Variants in SCUBE3 observed in about 807,000 individuals in gnomAD.
SCUBE3 encodes signal peptide, CUB and EGF-like domain-containing protein 3.
Under a neutral mutation model 116.8 loss-of-function variants are expected in SCUBE3, and 33 were observed. The ratio of observed to expected loss-of-function variants is 0.28; its 90% CI spans 0.21 to 0.38. The LOEUF (loss-of-function observed/expected upper bound fraction) is 0.38, where lower values mean the gene tolerates loss of function less well. Ranked by LOEUF, SCUBE3 falls within the 10% of genes least tolerant of loss-of-function variation. The pLI, the probability that SCUBE3 is intolerant of heterozygous loss-of-function variation, is 1.00. For synonymous variants in SCUBE3, 418 were observed against 496.9 expected (o/e 0.84, Z 2.11); for missense variants, 1,007 against 1,324.8 (o/e 0.76, Z 3.72).
Position 35,231,183 on chromosome 6 carries a change from C to CG in SCUBE3, c.335-542_335-541insG, listed in dbSNP as rs1343377957. 6.6e-6 allele frequency among the ~76,000 whole-genome samples: 1 copy of CG among 152,126 alleles called. No individual in the cohort carries two copies. Among genetic ancestry groups the CG allele is most frequent in the Non-Finnish European group, 1.5e-5 (1 of 68,004 alleles). On this transcript the variant is annotated intron_variant, in intron 3 of 21. Transcript: ENST00000274938. This position sits in a 1 kb window ranked among gnomAD's most constrained non-coding sequence, Gnocchi z 4.2. ...GAGGAAGGACAGGGCTGTGGCCTGT[C>CG]CACAGAAATGGTCCCTGCTCCACAA...
At chr6:35,225,640 G>C (rs927136903) in intron 1 of SCUBE3, among the ~76,000 whole-genome samples, 3 of 152,136 alleles carry the variant, frequency 2.0e-5, no homozygotes, top group African/African-American at 7.2e-5. Context: ...AGAGCTGAAC[G>C]GAAACCTGTG....
intron 6 of SCUBE3, among the ~76,000 whole-genome samples, chr6:35,236,273 G>A: frequency 6.6e-6 from 1 of 152,158 alleles, no homozygotes; most frequent in East Asian, 1.9e-4. Flanking sequence ...TCTCAAGAAT[G>A]CCGTCCTGCA....
intron 1 of SCUBE3, chr6:35,221,868 G>T (rs1270915993): frequency 6.6e-6 from 1 of 152,260 alleles, no homozygotes; most frequent in African/African-American, 2.4e-5. Flanking sequence ...TAGGAGTCAA[G>T]AGAAAGAGTA....
chr6:35,242,469 T>A, intron 13 of SCUBE3, 149 bp downstream of exon 13: 1 of 891,582 alleles, frequency 1.1e-6, no homozygotes, highest in South Asian at 1.6e-5. Context: ...CCCAAGGAAG[T>A]CCCAGAATAT....
At chr6:35,220,424 A>G (rs897604552) in intron 1 of SCUBE3, 2 of 152,178 alleles carry the variant, frequency 1.3e-5, no homozygotes, top group Non-Finnish European at 2.9e-5. Context: ...ATTACTAATC[A>G]CAAAACCAGA....
In SCUBE3 at chr6:35,239,954, C is replaced by G. The variant is rs1469203132; in HGVS notation, c.952+80C>G. The G allele has an allele frequency of 7.9e-7, 1 of 1,258,222 alleles. No homozygotes were observed. Among genetic ancestry groups the G allele is most frequent in the Non-Finnish European group, 1.1e-6 (1 of 922,788 alleles). The allele number at this position is 1,258,222 out of a possible 1,614,324, so 77.9% of individuals were successfully genotyped here. A position where few individuals can be genotyped will look rare whatever the true frequency, so the allele number is the denominator to read the frequency against. ...TTCAAGGAGGCCAGAGGGCTAAAGTCTTAGAAACTCAATAGATATCACACA... is the reference window on the plus strand; with the variant it reads ...TTCAAGGAGGCCAGAGGGCTAAAGTGTTAGAAACTCAATAGATATCACACA... On this transcript the variant is annotated intron_variant, in intron 8 of 21. Transcript: ENST00000274938. This position sits in a 1 kb window ranked among gnomAD's most constrained non-coding sequence, Gnocchi z 4.1.
In SCUBE3 at chr6:35,243,744, C is replaced by A. The variant is rs775234902; in HGVS notation, c.2060C>A (p.Thr687Asn). The A allele has an allele frequency of 6.2e-7, 1 of 1,613,910 alleles. No homozygotes were observed. The highest frequency in any genetic ancestry group is 8.5e-7 in the Non-Finnish European group (1 of 1,179,908). Residue 687 changes from threonine to asparagine, a missense_variant, in exon 16 of 22, where the codon ACC (threonine) becomes AAC (asparagine). Around this residue, in one of 5 missense-constraint regions of SCUBE3, gnomAD observed 544 missense variants for 638.9 expected, o/e 0.85. Transcript: ENST00000274938. This position sits in a 1 kb window ranked among gnomAD's most constrained non-coding sequence, Gnocchi z 6.6. The stretch of plus-strand genomic sequence containing the variant: ...GGGCCTCTTGGAGCCACCAACGTCA[C>A]CACGTGTGCAGGTGCCAGGGGAACA... ...AHGPLGATNVTTCAGQCPPGQ... is the reference protein window; with the variant it reads ...AHGPLGATNVNTCAGQCPPGQ...
At position 35,214,224 on chromosome 6, in the gene SCUBE3, G is replaced by C. The variant is rs1391717768; in HGVS notation, c.-195G>C. On this transcript the variant is annotated 5_prime_UTR_variant, in exon 1 of 22. Coordinates refer to ENST00000274938, the MANE Select transcript of SCUBE3 (RefSeq NM_152753.4). This position sits in a 1 kb window ranked among gnomAD's most constrained non-coding sequence, Gnocchi z 6.3. ...TCCGCCTCGCTCTCCCCGACGTCCG[G>C]CCAGGAGGAGCCGGTAGCATCGGGA... Among the ~76,000 whole-genome samples, 1 of 152,124 alleles carries C rather than the reference G, an allele frequency of 6.6e-6. No individual in the cohort carries two copies. Among genetic ancestry groups the C allele is most frequent in the Non-Finnish European group, 1.5e-5 (1 of 67,996 alleles).
At chr6:35,216,102 G>A (rs1782880900) in intron 1 of SCUBE3, among the ~76,000 whole-genome samples, 1 of 152,352 alleles carries the variant, frequency 6.6e-6, no homozygotes, top group African/African-American at 2.4e-5. Flanking sequence ...TAGTGGCCTA[G>A]TGAGGCTGTG....
chr6:35,233,276 C>T lies in SCUBE3; in HGVS notation c.687C>T (p.Leu229=), dbSNP rs1783623765. Reference sequence around the variant, plus strand: ...GCGGCTGCCATATCAAGTTTGTGCTCCATACCGACGGGAAGACATGCATCG... The same window carrying T: ...GCGGCTGCCATATCAAGTTTGTGCTTCATACCGACGGGAAGACATGCATCG... The part of the protein sequence containing the change: ...PRCGCHIKFV[L]HTDGKTCIET... The change falls in exon 6 of 22, where the codon CTC becomes CTT. Residue 229 remains leucine, a synonymous_variant. Coordinates refer to ENST00000274938, the MANE Select transcript of SCUBE3 (RefSeq NM_152753.4). This position sits in a 1 kb window ranked among gnomAD's most constrained non-coding sequence, Gnocchi z 5.7. 2 of 1,611,990 alleles carry T rather than the reference C, an allele frequency of 1.2e-6. 1 individual carries two copies. Among genetic ancestry groups the T allele is most frequent in the South Asian group, 2.2e-5 (2 of 91,016 alleles).
chr6:35,243,090 G>A lies in SCUBE3; in HGVS notation c.1763G>A (p.Arg588Lys). The change falls in exon 15 of 22, where the codon AGA (arginine) becomes AAA (lysine). Residue 588 changes from arginine to lysine, a missense_variant. Physicochemically the swap from Arg to Lys is conservative, Grantham distance 26. This residue lies in a region of SCUBE3 where 544 missense variants were observed against 638.9 expected (regional missense o/e 0.85). Coordinates refer to ENST00000274938, the MANE Select transcript of SCUBE3 (RefSeq NM_152753.4). This position sits in a 1 kb window ranked among gnomAD's most constrained non-coding sequence, Gnocchi z 6.6. ...CTGAAAGGATCCCTGAAGATGCTCA[G>A]AAAGTCCATCAACCAGGACCGCTTC... Reference protein sequence around the residue: ...RRLKGSLKMLRKSINQDRFLL... With the variant: ...RRLKGSLKMLKKSINQDRFLL... 7 of 1,614,226 alleles carry A rather than the reference G, an allele frequency of 4.3e-6. No homozygotes were observed. The highest frequency in any genetic ancestry group is 5.9e-6 in the Non-Finnish European group (7 of 1,180,048).
intron 1 of SCUBE3, chr6:35,223,446 C>G (rs1783189001): frequency 6.6e-6 from 1 of 152,174 alleles, no homozygotes; most frequent in Non-Finnish European, 1.5e-5. Context: ...CTTAACTACT[C>G]TGTCATGTGG....
chr6:35,217,530 T>C (rs1021333987), intron 1 of SCUBE3, among the ~76,000 whole-genome samples: 1 of 150,582 alleles, frequency 6.6e-6, no homozygotes, highest in Non-Finnish European at 1.5e-5. Flanking sequence ...TGTCTCGGTG[T>C]GTCTCTCCGG....
intron 1 of SCUBE3, among the ~76,000 whole-genome samples, chr6:35,217,363 G>A (rs2150280778): frequency 1.3e-5 from 2 of 151,158 alleles, no homozygotes; most frequent in Middle Eastern, 6.8e-3. Flanking sequence ...TTGTCCCCAG[G>A]GCTGGCTCCA....
At chr6:35,242,506 T>A (rs1784118345) in intron 13 of SCUBE3, 116 bp from the exon 14 acceptor site, 1 of 1,072,240 alleles carries the variant, frequency 9.3e-7, no homozygotes, top group South Asian at 1.5e-5. Context: ...ATTAGGACCC[T>A]AGACTAAAAC....
chr6:35,243,966 A>G lies in SCUBE3; in HGVS notation c.2075A>G (p.Gln692Arg), dbSNP rs1284585260. 1 of 1,613,574 alleles carries G rather than the reference A, an allele frequency of 6.2e-7. No homozygotes were observed. Among genetic ancestry groups the G allele is most frequent in the Non-Finnish European group, 8.5e-7 (1 of 1,179,674 alleles). The change falls in exon 17 of 22, where the codon CAG becomes CGG. Residue 692 changes from glutamine to arginine, a missense_variant. Around this residue, in one of 5 missense-constraint regions of SCUBE3, gnomAD observed 544 missense variants for 638.9 expected, o/e 0.85. Transcript: ENST00000274938. This position sits in a 1 kb window ranked among gnomAD's most constrained non-coding sequence, Gnocchi z 6.6. ...GATNVTTCAG[Q>R]CPPGQHSVDG... ...TTGGGCCCTTGATTCATTGCAGGTC[A>G]GTGCCCACCTGGCCAACACTCTGTA...
chr6:35,243,736 C>T lies in SCUBE3; in HGVS notation c.2052C>T (p.Thr684=), dbSNP rs1419660365. 1.9e-6 allele frequency: 3 copies of T among 1,613,872 alleles called. No individual in the cohort carries two copies. The highest frequency in any genetic ancestry group is 2.2e-5 in the East Asian group (1 of 44,818). The change falls in exon 16 of 22, where the codon ACC becomes ACT. Residue 684 remains threonine, a synonymous_variant. Coordinates refer to ENST00000274938, the MANE Select transcript of SCUBE3 (RefSeq NM_152753.4). The surrounding 1 kb of genome is among the most constrained non-coding windows in gnomAD (Gnocchi z 6.6). ...ATGCCCACGGGCCTCTTGGAGCCAC[C>T]AACGTCACCACGTGTGCAGGTGCCA... is the stretch of plus-strand genomic sequence containing the variant. The part of the protein sequence containing the change: ...GSDAHGPLGA[T]NVTTCAGQCP...
chr6:35,214,371 C>T lies in SCUBE3; in HGVS notation c.-48C>T, dbSNP rs777083545. The T allele has an allele frequency of 7.7e-7, 1 of 1,305,680 alleles. No individual in the cohort carries two copies. Among genetic ancestry groups the T allele is most frequent in the South Asian group, 1.6e-5 (1 of 61,546 alleles). 80.9% of individuals were successfully genotyped at this position (1,305,680 alleles called of 1,614,324 possible). On this transcript the variant is annotated 5_prime_UTR_variant, in exon 1 of 22. Transcript: ENST00000274938. This position sits in a 1 kb window ranked among gnomAD's most constrained non-coding sequence, Gnocchi z 6.3. The stretch of plus-strand genomic sequence containing the variant: ...GGATCCGGCCGGCTTCCGCCCTCCC[C>T]TGGCCGCGAGACCGGCCCCGGCGGC...
rs377315154 is a variant in SCUBE3 at position 35,243,004 on chromosome 6, C to T, written c.1694-17C>T. 121 of 1,609,800 alleles carry T rather than the reference C, an allele frequency of 7.5e-5. 1 individual carries two copies. The highest frequency in any genetic ancestry group is 3.3e-4 in the East Asian group (15 of 44,880). On this transcript the variant is annotated splice_polypyrimidine_tract_variant and intron_variant, in intron 14 of 21. Transcript: ENST00000274938. The surrounding 1 kb of genome is among the most constrained non-coding windows in gnomAD (Gnocchi z 6.6). Reference sequence around the variant, plus strand: ...AACTCTTTCTCCTCCCTGATACACACGGCCATCCACCACCAGCCAGCTGTG... The same window carrying T: ...AACTCTTTCTCCTCCCTGATACACATGGCCATCCACCACCAGCCAGCTGTG...
Sources: gnomAD v4.1 joint callset for allele counts (sites outside exome capture counted in the v4.1 genomes callset) on GRCh38, gnomAD v4.1.1 for gene constraint, gnomAD v4.1.1 regional missense constraint, Gnocchi (gnomAD v3.1) non-coding constraint, MANE v1.5 for transcripts, NCBI Gene and HGNC (gene_info 2026-07-23, HGNC 2026-07-21) for gene names.